PSD2: variants seen among roughly 807,000 people sequenced by gnomAD.
The protein encoded by PSD2 is PH and SEC7 domain-containing protein 2.
In PSD2, 38 loss-of-function variants were observed where a neutral mutation model predicts 69.8. That is an observed-to-expected ratio of 0.54 (90% CI 0.42 to 0.71). PSD2 has a LOEUF of 0.71. PSD2 is among the 30% of genes least tolerant of loss of function. The pLI, the probability that PSD2 is intolerant of heterozygous loss-of-function variation, is 0.00. For synonymous variants in PSD2, 412 were observed against 423.0 expected (o/e 0.97, Z 0.32); for missense variants, 943 against 1,014.5 (o/e 0.93, Z 0.96).
chr5:139,803,488 C>T (rs907855951), intron 1 of PSD2, among the ~76,000 whole-genome samples: 4 of 152,196 alleles, frequency 2.6e-5, no homozygotes, highest in Non-Finnish European at 5.9e-5. Context: ...TCACAGGTGC[C>T]TTGAGAAGAC....
upstream of PSD2, among the ~76,000 whole-genome samples, chr5:139,790,918 G>T (rs1051233765): frequency 1.5e-4 from 23 of 151,876 alleles, no homozygotes; most frequent in Non-Finnish European, 1.8e-4. Flanking sequence ...TTGGGTGGGG[G>T]GGAGCGCCTA....
chr5:139,749,833 AAAACAAACAAACAAAC>A, the PSD2 span, among the ~76,000 whole-genome samples: 2 of 110,742 alleles, frequency 1.8e-5, no homozygotes, highest in African/African-American at 7.8e-5. Context: ...CCATCTCTAC[AAAACAAACAAACAAAC>A]AAAAACAAAC....
At chr5:139,834,510 AG>A (rs1326624317) in intron 8 of PSD2, among the ~76,000 whole-genome samples, 2 of 150,222 alleles carry the variant, frequency 1.3e-5, no homozygotes, top group Non-Finnish European at 3.0e-5. Flanking sequence ...TATGTTGCCC[AG>A]GCTGGTCACA....
chr5:139,808,847 G>C (rs187409414), intron 1 of PSD2, among the ~76,000 whole-genome samples: 1 of 152,250 alleles, frequency 6.6e-6, no homozygotes, highest in South Asian at 2.1e-4. Context: ...CAATTAGGCT[G>C]CGTCTGTTGA....
the PSD2 span, among the ~76,000 whole-genome samples, chr5:139,778,216 A>G: frequency 6.6e-6 from 1 of 152,252 alleles, no homozygotes; most frequent in African/African-American, 2.4e-5. Flanking sequence ...GACAGTGCAC[A>G]CAAGATGTAC....
intron 1 of PSD2, among the ~76,000 whole-genome samples, chr5:139,801,643 A>G (rs1041605624): frequency 2.0e-5 from 3 of 151,940 alleles, no homozygotes; most frequent in African/African-American, 7.3e-5. Context: ...GGCTTTAAGT[A>G]TCACCTATGT....
At chr5:139,749,504 A>C in the PSD2 span, among the ~76,000 whole-genome samples, 10 of 152,234 alleles carry the variant, frequency 6.6e-5, no homozygotes, top group African/African-American at 2.2e-4. Context: ...CTCACCATGG[A>C]TCCTCCCCAG....
At chr5:139,770,989 A>C in the PSD2 span, among the ~76,000 whole-genome samples, 1 of 152,288 alleles carries the variant, frequency 6.6e-6, no homozygotes, top group Non-Finnish European at 1.5e-5. Context: ...CTAGTCATTT[A>C]GATTTTTCAT....
intron 1 of PSD2, among the ~76,000 whole-genome samples, chr5:139,800,319 G>T (rs1759640989): frequency 6.6e-6 from 1 of 152,256 alleles, no homozygotes; most frequent in African/African-American, 2.4e-5. Context: ...TTCAGTCCAA[G>T]CCCATGAACT....
chr5:139,825,624 C>T (rs1171876329), intron 7 of PSD2, among the ~76,000 whole-genome samples: 2 of 140,268 alleles, frequency 1.4e-5, no homozygotes, highest in Non-Finnish European at 3.0e-5. Flanking sequence ...GCAAGGGTGG[C>T]TTTGGCATGT....
chr5:139,773,019 T>C, the PSD2 span: 1 of 152,218 alleles, frequency 6.6e-6, no homozygotes, highest in Non-Finnish European at 1.5e-5. Context: ...TTTTGATACA[T>C]ATTTTTTTAT....
chr5:139,838,609 C>CT lies in PSD2; in HGVS notation c.1824-18dup, dbSNP rs1561609473. The CT allele has an allele frequency of 5.6e-6, 9 of 1,606,642 alleles. No individual in the cohort carries two copies. Among genetic ancestry groups the CT allele is most frequent in the Non-Finnish European group, 7.7e-6 (9 of 1,174,220 alleles). On this transcript the variant is annotated intron_variant, in intron 12 of 14. Coordinates refer to ENST00000274710, the MANE Select transcript of PSD2 (RefSeq NM_032289.4). ...GTCCTGTGTGAGAGGCCGGCACCCT[C>CT]TCCCCCTCCTGTCCCCAGGAGCAAG...
the PSD2 span, among the ~76,000 whole-genome samples, chr5:139,774,679 AC>A: frequency 2.6e-5 from 4 of 151,850 alleles, no homozygotes; most frequent in African/African-American, 9.7e-5. Context: ...TTTAGTAGAG[AC>A]GGGGTTTCAC....
At chr5:139,779,457 G>C in the PSD2 span, among the ~76,000 whole-genome samples, 9 of 152,052 alleles carry the variant, frequency 5.9e-5, no homozygotes, top group Non-Finnish European at 1.3e-4. Context: ...GTATATTAGA[G>C]CAAATTACAG....
chr5:139,821,141 C>T (rs1354803861), intron 5 of PSD2, among the ~76,000 whole-genome samples: 1 of 152,122 alleles, frequency 6.6e-6, no homozygotes, highest in Non-Finnish European at 1.5e-5. Flanking sequence ...CCATGTTGGC[C>T]AGGCTGGTCT....
chr5:139,753,149 C>A, the PSD2 span, among the ~76,000 whole-genome samples: 2 of 152,198 alleles, frequency 1.3e-5, no homozygotes, highest in African/African-American at 4.8e-5. Context: ...ATCTAACTAA[C>A]CTGCCTGATT....
At chr5:139,785,156 C>G in the PSD2 span, among the ~76,000 whole-genome samples, 4 of 151,400 alleles carry the variant, frequency 2.6e-5, no homozygotes, top group South Asian at 8.4e-4. Flanking sequence ...GTCTACCCTT[C>G]TCATCCCCTT....
At chr5:139,748,913 G>T in the PSD2 span, among the ~76,000 whole-genome samples, 3 of 152,284 alleles carry the variant, frequency 2.0e-5, no homozygotes, top group East Asian at 3.9e-4. Context: ...ATGTTGGGGG[G>T]GGTGAATACA....
chr5:139,825,237 G>T (rs539555527), intron 7 of PSD2, among the ~76,000 whole-genome samples: 1 of 152,362 alleles, frequency 6.6e-6, no homozygotes, highest in South Asian at 2.1e-4. Flanking sequence ...CAAGGTTTGG[G>T]CAGAGACCTG....
Sources: gnomAD v4.1 joint callset for allele counts (sites outside exome capture counted in the v4.1 genomes callset) on GRCh38, gnomAD v4.1.1 for gene constraint, MANE v1.5 for transcripts, NCBI Gene and HGNC (gene_info 2026-07-23, HGNC 2026-07-21) for gene names.